Variants in BRD4 observed in about 807,000 individuals in gnomAD.
BRD4 encodes bromodomain containing 4.
A neutral mutation model predicts 142.1 loss-of-function variants in BRD4; 16 were observed. The observed-to-expected ratio is 0.11, with a 90% CI of 0.08 to 0.17. The LOEUF (loss-of-function observed/expected upper bound fraction) is 0.17. Ranked by LOEUF, BRD4 falls within the 10% of genes least tolerant of loss-of-function variation. BRD4 has a pLI of 1.00. For missense variants in BRD4, 1,424 were observed against 1,810.9 expected (o/e 0.79, Z 3.88); for synonymous variants, 833 against 707.5 (o/e 1.18, Z -2.82).
At chr19:15,295,759 T>C (rs931382281) in intron 1 of BRD4, among the ~76,000 whole-genome samples, 1 of 152,136 alleles carries the variant, frequency 6.6e-6, no homozygotes, top group Non-Finnish European at 1.5e-5. Context: ...TCACCTGAGG[T>C]CAGGAGTTCA....
chr19:15,254,363 G>A (rs1568383166), intron 10 of BRD4, 101 bp from the exon 11 acceptor site: 1 of 1,038,536 alleles, frequency 9.6e-7, no homozygotes, highest in Non-Finnish European at 1.5e-6. Flanking sequence ...GGACCAGTGA[G>A]GAGCCTGTGC....
intron 11 of BRD4, chr19:15,253,906 C>G: frequency 1.2e-6 from 1 of 868,684 alleles, no homozygotes; most frequent in Non-Finnish European, 1.7e-6. Flanking sequence ...GCCATTCATC[C>G]TCCATGACCA....
At chr19:15,269,090 G>A in intron 2 of BRD4, 48 bp from the exon 3 acceptor site, 1 of 1,606,670 alleles carries the variant, frequency 6.2e-7, no homozygotes, top group South Asian at 1.1e-5. Flanking sequence ...CAGCCAGGCA[G>A]CACAAACGCT....
chr19:15,247,408 C>T, intron 11 of BRD4: 1 of 232,524 alleles, frequency 4.3e-6, no homozygotes, highest in East Asian at 6.1e-5. Flanking sequence ...CAGGTGACAG[C>T]TTAAGTCTAA....
chr19:15,323,178 T>TAAAA (rs1017018376), intron 1 of BRD4, among the ~76,000 whole-genome samples: 2,333 of 73,044 alleles, frequency 0.032, 335 homozygotes, highest in East Asian at 0.061. Flanking sequence ...TCCATCTCTT[T>TAAAA]AAAAAAAAAA....
At chr19:15,261,382 C>CTGAGGCAGGAGAACTGCT (rs1318960337) in intron 7 of BRD4, among the ~76,000 whole-genome samples, 1 of 151,960 alleles carries the variant, frequency 6.6e-6, no homozygotes, top group Non-Finnish European at 1.5e-5. Flanking sequence ...ACTCAGGAGG[C>CTGAGGCAGGAGAACTGCT]TGAGGCAGGA....
At chr19:15,260,889 C>T (rs2047462620) in intron 7 of BRD4, among the ~76,000 whole-genome samples, 1 of 150,770 alleles carries the variant, frequency 6.6e-6, no homozygotes. Flanking sequence ...CAGGAGAGGA[C>T]AGAAAAAATG....
chr19:15,239,502 C>G lies in BRD4; in HGVS notation c.3466G>C (p.Asp1156His). ...GGCCGGATCACAGGCCTCCCGACAT[C>G]CACAGGCTTCATTTCCGGCCCTGGA... ...LPQRPEMKPV[D>H]VGRPVIRPPE... The change falls in exon 17 of 20, where the codon GAT (aspartate) becomes CAT (histidine). Residue 1156 changes from aspartate to histidine, a missense_variant. Physicochemically the swap from Asp to His is moderately conservative, Grantham distance 81. This residue lies in a region of BRD4 where 598 missense variants were observed against 647.8 expected (regional missense o/e 0.92). Coordinates refer to ENST00000679869, the MANE Select transcript of BRD4 (RefSeq NM_001379291.1). This position sits in a 1 kb window ranked among gnomAD's most constrained non-coding sequence, Gnocchi z 7.4. The G allele has an allele frequency of 1.9e-6, 3 of 1,613,488 alleles. No individual in the cohort carries two copies. Among genetic ancestry groups the G allele is most frequent in the Non-Finnish European group, 8.5e-7 (1 of 1,179,776 alleles).
rs192369107 is a variant in BRD4 at position 15,245,956 on chromosome 19, G to A, written c.2159-1194C>T. 5.5e-3 allele frequency among the ~76,000 whole-genome samples: 841 copies of A among 152,300 alleles called. 5 individuals carry two copies. Among genetic ancestry groups the A allele is most frequent in the African/African-American group, 0.019 (803 of 41,546 alleles). Reference sequence around the variant, plus strand: ...GCCACGCTAAGCTTCTGTGAGGCACGTGGCCCTCAGTGCAGCATGCCACCA... The same window carrying A: ...GCCACGCTAAGCTTCTGTGAGGCACATGGCCCTCAGTGCAGCATGCCACCA... On this transcript the variant is annotated intron_variant, in intron 11 of 19. Transcript: ENST00000679869.
At chr19:15,253,247 G>A (rs2145560523) in intron 11 of BRD4, 2 of 457,430 alleles carry the variant, frequency 4.4e-6, no homozygotes, top group Non-Finnish European at 3.9e-6. Context: ...AGCAGGGGCT[G>A]GTCGCCAGGC....
At position 15,310,358 on chromosome 19, in the gene BRD4, TCCCCCCCCCCCCCC is replaced by T. The variant is rs869177682; in HGVS notation, c.-35+21918_-35+21931del. Among the ~76,000 whole-genome samples, 63 of 25,682 alleles carry T rather than the reference TCCCCCCCCCCCCCC, an allele frequency of 2.5e-3. 6 individuals carry two copies. The highest frequency in any genetic ancestry group is 0.012 in the South Asian group (7 of 570). The allele number at this position is 25,682 out of a possible 152,430, so 16.8% of individuals were successfully genotyped here. On this transcript the variant is annotated intron_variant, in intron 1 of 19. Transcript: ENST00000679869. ...CACCATGTCCGGCTGATTTTTGGATTCCCCCCCCCCCCCCCCCCCCCCGAAGGAGTCTCACTCTG... is the reference window on the plus strand; with the variant it reads ...CACCATGTCCGGCTGATTTTTGGATTCCCCCCCCGAAGGAGTCTCACTCTG...
At chr19:15,311,429 C>T (rs1276045905) in intron 1 of BRD4, among the ~76,000 whole-genome samples, 1 of 152,164 alleles carries the variant, frequency 6.6e-6, no homozygotes, top group Non-Finnish European at 1.5e-5. Flanking sequence ...TGACATGCTA[C>T]AACACGGATG....
At chr19:15,321,061 C>G (rs927355643) in intron 1 of BRD4, among the ~76,000 whole-genome samples, 2 of 152,184 alleles carry the variant, frequency 1.3e-5, no homozygotes, top group African/African-American at 4.8e-5. Flanking sequence ...GGGTGAAACC[C>G]TGCCCCTACT....
intron 11 of BRD4, chr19:15,246,955 A>T (rs2047293256): frequency 5.6e-6 from 1 of 177,228 alleles, no homozygotes; most frequent in African/African-American, 2.4e-5. Context: ...CAGAGTTACC[A>T]GTAAAAGACA....
At chr19:15,294,923 G>T (rs1273057115) in intron 1 of BRD4, among the ~76,000 whole-genome samples, 4 of 152,170 alleles carry the variant, frequency 2.6e-5, no homozygotes, top group Non-Finnish European at 4.4e-5. Flanking sequence ...AGAGACCAAA[G>T]AACATGACTA....
At chr19:15,281,788 C>T (rs1412784950) in intron 1 of BRD4, among the ~76,000 whole-genome samples, 1 of 152,118 alleles carries the variant, frequency 6.6e-6, no homozygotes. Flanking sequence ...GAGGCCGAGG[C>T]GGGTGGATTG....
intron 7 of BRD4, among the ~76,000 whole-genome samples, chr19:15,258,568 G>C (rs1488180210): frequency 1.3e-5 from 2 of 152,198 alleles, no homozygotes; most frequent in African/African-American, 4.8e-5. Context: ...ACCAGCGTGA[G>C]CCACTGCGCC....
intron 1 of BRD4, among the ~76,000 whole-genome samples, chr19:15,315,514 G>C (rs146462025): frequency 5.9e-5 from 9 of 152,258 alleles, no homozygotes; most frequent in East Asian, 5.8e-4. Context: ...GGGGATTGGG[G>C]GGGGGAAGCA....
chr19:15,268,755 T>G, intron 3 of BRD4, 150 bp downstream of exon 3: 1 of 805,334 alleles, frequency 1.2e-6, no homozygotes, highest in Non-Finnish European at 1.9e-6. Flanking sequence ...ACCACAGGTC[T>G]CATTACCTCT....
Sources: allele counts gnomAD v4.1 joint callset (sites outside exome capture counted in the v4.1 genomes callset), GRCh38; gene constraint gnomAD v4.1.1; regional missense constraint gnomAD v4.1.1; non-coding constraint Gnocchi (gnomAD v3.1); transcripts MANE v1.5; gene names NCBI Gene and HGNC (gene_info 2026-07-23, HGNC 2026-07-21).